The following CHD6 variants were observed in gnomAD, a reference collection of about 807,000 sequenced individuals.
CHD6 encodes ATP-dependent chromatin remodeler CHD6.
CHD6 carries 50 observed loss-of-function variants against 276.9 expected under a neutral mutation model. The ratio of observed to expected loss-of-function variants is 0.18; its 90% confidence interval spans 0.14 to 0.23. The LOEUF is 0.23. CHD6 is among the 10% of genes least tolerant of loss of function. The pLI is 1.00. For missense variants in CHD6, 2,564 were observed against 3,365.8 expected (o/e 0.76, Z 5.89); for synonymous variants, 1,173 against 1,229.3 (o/e 0.95, Z 0.96).
chr20:41,417,074 T>C (rs1457117755), intron 32 of CHD6, 124 bp downstream of exon 32: 17 of 895,932 alleles, frequency 1.9e-5, no homozygotes, highest in Non-Finnish European at 1.7e-5. Context: ...ATAACTAATA[T>C]CTTTTAAAGG....
intron 1 of CHD6, among the ~76,000 whole-genome samples, chr20:41,594,701 C>A (rs2045699529): frequency 6.6e-6 from 1 of 152,200 alleles, no homozygotes; most frequent in African/African-American, 2.4e-5. Flanking sequence ...CTATAACTAG[C>A]AAATCTCTGA....
intron 1 of CHD6, among the ~76,000 whole-genome samples, chr20:41,573,204 A>G (rs1249756560): frequency 2.0e-5 from 3 of 152,188 alleles, no homozygotes; most frequent in African/African-American, 7.2e-5. Context: ...CCACTGCACC[A>G]GGCCAAGACC....
intron 1 of CHD6, among the ~76,000 whole-genome samples, chr20:41,604,737 G>A (rs918427912): frequency 2.6e-5 from 4 of 152,142 alleles, no homozygotes; most frequent in African/African-American, 9.7e-5. Flanking sequence ...CACCTGTGGC[G>A]GGGAGCACAG....
At chr20:41,499,156 G>T (rs1324884360) in intron 6 of CHD6, 139 bp downstream of exon 6, 7 of 591,080 alleles carry the variant, frequency 1.2e-5, no homozygotes, top group Non-Finnish European at 2.0e-5. Context: ...AAAAATAAGT[G>T]TTGGCTAGCC....
rs145166165 is a variant in CHD6 at position 41,585,479 on chromosome 20, G to C, written c.-24+32861C>G. 3.8e-3 allele frequency among the ~76,000 whole-genome samples: 529 copies of C among 138,192 alleles called. 5 individuals are homozygous for C. Among genetic ancestry groups the C allele is most frequent in the African/African-American group, 0.014 (512 of 35,588 alleles). The allele number at this position is 138,192 out of a possible 152,430, so 90.7% of individuals were successfully genotyped here. ...GCCAAGATCGCACCATTGCACTCCA[G>C]CCTTGGCAACAAGAGTGAAACTCCG... On this transcript the variant is annotated intron_variant, in intron 1 of 36. Transcript: ENST00000373233.
chr20:41,420,467 A>C lies in CHD6; in HGVS notation c.6127+41T>G, dbSNP rs111254468. 3.7e-5 allele frequency: 58 copies of C among 1,557,738 alleles called. 3 individuals carry two copies. In the African/African-American group the frequency reaches 4.0e-4, roughly 11 times the overall value. ...AAACCCAACCCCCCGTCGTGTGTGA[A>C]CTAGTTTATCCAAAATGCCACAAGA... On this transcript the variant is annotated intron_variant, in intron 31 of 36. Coordinates refer to ENST00000373233, the MANE Select transcript of CHD6 (RefSeq NM_032221.5).
intron 1 of CHD6, among the ~76,000 whole-genome samples, chr20:41,572,788 C>T (rs2045432225): frequency 6.6e-6 from 1 of 152,156 alleles, no homozygotes; most frequent in Admixed American, 6.5e-5. Context: ...TAAATCTGAA[C>T]CCTAACCCTG....
chr20:41,454,075 C>T (rs2048318955), intron 20 of CHD6, among the ~76,000 whole-genome samples: 1 of 152,156 alleles, frequency 6.6e-6, no homozygotes, highest in Non-Finnish European at 1.5e-5. Flanking sequence ...ACAAATGTTA[C>T]CTTGTAACCC....
intron 3 of CHD6, among the ~76,000 whole-genome samples, chr20:41,517,331 T>C (rs968763936): frequency 5.7e-4 from 87 of 152,268 alleles, no homozygotes; most frequent in African/African-American, 1.8e-3. Context: ...TAATGGATAC[T>C]AGGCTTAATA....
chr20:41,437,509 CTAT>C (rs927470033), intron 26 of CHD6, among the ~76,000 whole-genome samples, 175 bp from the exon 27 acceptor site: 6 of 152,172 alleles, frequency 3.9e-5, no homozygotes, highest in African/African-American at 1.2e-4. Flanking sequence ...TATAATTGTT[CTAT>C]TATTATTGTT....
At chr20:41,492,174 G>C (rs542609863) in intron 10 of CHD6, among the ~76,000 whole-genome samples, 1 of 152,258 alleles carries the variant, frequency 6.6e-6, no homozygotes, top group Non-Finnish European at 1.5e-5. Context: ...GCTCCTGAGG[G>C]CAGGGCCTGT....
chr20:41,428,797 G>A (rs935761746), intron 27 of CHD6, among the ~76,000 whole-genome samples: 2 of 152,184 alleles, frequency 1.3e-5, no homozygotes, highest in Non-Finnish European at 2.9e-5. Flanking sequence ...TCCCCTGGCT[G>A]TATGGCTTTT....
chr20:41,416,593 G>A lies in CHD6; in HGVS notation c.6481C>T (p.His2161Tyr). 1 of 1,610,350 alleles carries A rather than the reference G, an allele frequency of 6.2e-7. No individual in the cohort carries two copies. Among genetic ancestry groups the A allele is most frequent in the Non-Finnish European group, 8.5e-7 (1 of 1,178,508 alleles). ...CTCCATTCTTGCCGGCTCACCTTGT[G>A]GATCTGGGCCGCCAATGCTGCGCCG... ...SNGAALAAQI[H>Y]KESFLAPVFT... Residue 2161 changes from histidine to tyrosine, a missense_variant, in exon 33 of 37, where the codon CAC (histidine) becomes TAC (tyrosine). Around this residue, in one of 7 missense-constraint regions of CHD6, gnomAD observed 1,024 missense variants for 1,047.9 expected, o/e 0.98. Coordinates refer to ENST00000373233, the MANE Select transcript of CHD6 (RefSeq NM_032221.5).
chr20:41,530,200 C>T (rs529640957), intron 3 of CHD6, among the ~76,000 whole-genome samples: 2 of 152,230 alleles, frequency 1.3e-5, no homozygotes, highest in East Asian at 3.9e-4. Flanking sequence ...TAAACGAATG[C>T]CCATTTCTAT....
chr20:41,611,222 T>C (rs1307808276), intron 1 of CHD6, among the ~76,000 whole-genome samples: 1 of 152,238 alleles, frequency 6.6e-6, no homozygotes, highest in African/African-American at 2.4e-5. Flanking sequence ...ACAATCTTGT[T>C]TCCTATTATA....
intron 2 of CHD6, among the ~76,000 whole-genome samples, chr20:41,538,149 A>C (rs1381493074): frequency 6.6e-6 from 1 of 152,172 alleles, no homozygotes; most frequent in African/African-American, 2.4e-5. Flanking sequence ...TCAGGAGTTC[A>C]AGACCAGCCA....
At position 41,454,613 on chromosome 20, in the gene CHD6, T is replaced by C; in HGVS notation, c.3120+13A>G. ...GTGAATGTTCCATGGAATAAAATAT[T>C]ATTTTGCTGTACCTTTTCATTCTTT... On this transcript the variant is annotated intron_variant, in intron 20 of 36. Transcript: ENST00000373233. 1 of 1,580,980 alleles carries C rather than the reference T, an allele frequency of 6.3e-7. No individual in the cohort carries two copies. The highest frequency in any genetic ancestry group is 8.7e-7 in the Non-Finnish European group (1 of 1,153,224).
Position 41,402,550 on chromosome 20 carries a change from C to T in CHD6, c.*2043G>A. The T allele has an allele frequency of 4.4e-6, 1 of 229,804 alleles. No individual in the cohort carries two copies. Among genetic ancestry groups the T allele is most frequent in the Non-Finnish European group, 8.6e-6 (1 of 115,978 alleles). The allele number at this position is 229,804 out of a possible 1,614,324, so 14.2% of individuals were successfully genotyped here. Reference sequence around the variant, plus strand: ...CGACAACAAAGAAAACCAGACTCTGCTGGATGTCTATAATACTCATTTGCA... The same window carrying T: ...CGACAACAAAGAAAACCAGACTCTGTTGGATGTCTATAATACTCATTTGCA... On this transcript the variant is annotated 3_prime_UTR_variant, in exon 37 of 37. Transcript: ENST00000373233.
intron 1 of CHD6, among the ~76,000 whole-genome samples, chr20:41,590,594 A>G (rs995515309): frequency 6.6e-6 from 1 of 152,234 alleles, no homozygotes; most frequent in African/African-American, 2.4e-5. Flanking sequence ...ATGCAGCCAA[A>G]AGACTCATGA....
Sources: gnomAD v4.1 joint callset for allele counts (sites outside exome capture counted in the v4.1 genomes callset) on GRCh38, gnomAD v4.1.1 for gene constraint, gnomAD v4.1.1 regional missense constraint, MANE v1.5 for transcripts, NCBI Gene and HGNC (gene_info 2026-07-23, HGNC 2026-07-21) for gene names.